NTRK2: variants seen among roughly 807,000 people sequenced by gnomAD.
NTRK2 encodes neurotrophic receptor tyrosine kinase 2.
In NTRK2, 13 loss-of-function variants were observed where a neutral mutation model predicts 94.5. The observed-to-expected ratio is 0.14, with a 90% CI of 0.09 to 0.22. NTRK2 has a LOEUF of 0.22. Among genes scored for constraint, NTRK2 ranks in the 10% least tolerant of loss-of-function variants. The pLI, the probability that NTRK2 is intolerant of heterozygous loss-of-function variation, is 1.00. For synonymous variants in NTRK2, 372 were observed against 407.4 expected, an observed-to-expected ratio of 0.91 and a Z score of 1.05; for missense variants, 639 against 1,071.2, an observed-to-expected ratio of 0.60 and a Z score of 5.63.
chr9:84,840,317 G>A (rs1003225256), intron 12 of NTRK2, among the ~76,000 whole-genome samples: 2 of 125,414 alleles, frequency 1.6e-5, no homozygotes, highest in South Asian at 2.5e-4. Context: ...TCTTGTCTTC[G>A]CTTTGTCTAA....
intron 9 of NTRK2, among the ~76,000 whole-genome samples, chr9:84,737,757 G>GGTA (rs1359415750): frequency 1.4e-5 from 2 of 147,876 alleles, no homozygotes; most frequent in East Asian, 3.9e-4. Context: ...TAATAAGCAT[G>GGTA]GTATCCAATA....
chr9:84,858,584 C>T (rs868083792), intron 12 of NTRK2, among the ~76,000 whole-genome samples: 4 of 151,986 alleles, frequency 2.6e-5, no homozygotes, highest in Non-Finnish European at 5.9e-5. Context: ...ATCCTCTGAG[C>T]CCTCTTTCTC....
chr9:84,707,374 A>G (rs2061170975), intron 4 of NTRK2, among the ~76,000 whole-genome samples: 1 of 152,172 alleles, frequency 6.6e-6, no homozygotes. Context: ...TCTTTCCTAT[A>G]AAGACGTATT....
chr9:84,741,854 T>C, intron 9 of NTRK2, 38 bp from the exon 10 acceptor site: 3 of 1,597,680 alleles, frequency 1.9e-6, no homozygotes, highest in Non-Finnish European at 2.6e-6. Context: ...GACTCCAAAA[T>C]GCATACTTAC....
At chr9:84,758,437 G>A (rs568857802) in intron 12 of NTRK2, among the ~76,000 whole-genome samples, 23 of 152,118 alleles carry the variant, frequency 1.5e-4, no homozygotes, top group African/African-American at 5.3e-4. Flanking sequence ...TGTTGCCCAG[G>A]CTGGAGTGCA....
chr9:84,857,989 T>C (rs2075147610), intron 12 of NTRK2, among the ~76,000 whole-genome samples: 1 of 152,202 alleles, frequency 6.6e-6, no homozygotes, highest in Non-Finnish European at 1.5e-5. Context: ...TCTGTTTTCC[T>C]TCTAAGTTCC....
At chr9:84,760,810 A>C (rs928602712) in intron 12 of NTRK2, among the ~76,000 whole-genome samples, 3 of 152,238 alleles carry the variant, frequency 2.0e-5, no homozygotes, top group Non-Finnish European at 4.4e-5. Context: ...AGATCTAAAA[A>C]CACGACCTCA....
At chr9:84,918,488 G>C (rs2077464324) in intron 14 of NTRK2, among the ~76,000 whole-genome samples, 1 of 151,852 alleles carries the variant, frequency 6.6e-6, no homozygotes, top group African/African-American at 2.4e-5. Flanking sequence ...ATTTGCACTG[G>C]GGAGGTCTGA....
At chr9:84,937,024 T>C (rs2078235504) in intron 15 of NTRK2, among the ~76,000 whole-genome samples, 1 of 152,182 alleles carries the variant, frequency 6.6e-6, no homozygotes, top group Non-Finnish European at 1.5e-5. Flanking sequence ...GAATAACCCA[T>C]GGACCTTTCA....
chr9:84,808,154 G>C (rs1211252262), intron 12 of NTRK2, among the ~76,000 whole-genome samples: 6 of 152,312 alleles, frequency 3.9e-5, no homozygotes, highest in South Asian at 2.1e-4. Context: ...TAAGGGCCAG[G>C]GCAGTTGCAT....
rs576068113 is a variant in NTRK2, at chr9:84,931,017, A to G, written c.1634-3145A>G. ...CATTATTAAACATATTTTTTCACAG[A>G]TATTTATAAATCACCAATTGTATGC... On this transcript the variant is annotated intron_variant, in intron 14 of 18. Transcript: ENST00000277120. 1.9e-4 allele frequency among the ~76,000 whole-genome samples: 29 copies of G among 152,308 alleles called. No homozygotes were observed. In the South Asian group the frequency reaches 5.6e-3, roughly 29 times the overall value.
Position 85,026,734 on chromosome 9 carries a change from C to G in NTRK2, c.*5297C>G. On this transcript the variant is annotated 3_prime_UTR_variant, in exon 19 of 19. Transcript: ENST00000277120. ...TATACACACACATTTCCATATCTCTCTACAGATATATTTCCCCTTCAATCG... is the reference window on the plus strand; with the variant it reads ...TATACACACACATTTCCATATCTCTGTACAGATATATTTCCCCTTCAATCG... The G allele has an allele frequency of 4.3e-6, 1 of 233,042 alleles. No individual in the cohort carries two copies. Among genetic ancestry groups the G allele is most frequent in the Non-Finnish European group, 8.5e-6 (1 of 117,952 alleles). The allele number at this position is 233,042 out of a possible 1,614,324, so 14.4% of individuals were successfully genotyped here.
chr9:85,023,648 T>C lies in NTRK2; in HGVS notation c.*2211T>C, dbSNP rs1243482465. 4 of 228,654 alleles carry C rather than the reference T, an allele frequency of 1.7e-5. No homozygotes were observed. The highest frequency in any genetic ancestry group is 2.6e-5 in the Non-Finnish European group (3 of 115,480). 14.2% of individuals were successfully genotyped at this position (228,654 alleles called of 1,614,324 possible). ...TAATGAAAGCCATATCTCCATGATATATATGTGCACATATATATACATACA... is the reference window on the plus strand; with the variant it reads ...TAATGAAAGCCATATCTCCATGATACATATGTGCACATATATATACATACA... On this transcript the variant is annotated 3_prime_UTR_variant, in exon 19 of 19. Coordinates refer to ENST00000277120, the MANE Select transcript of NTRK2 (RefSeq NM_006180.6).
chr9:84,982,228 C>A (rs1013661748), intron 17 of NTRK2, among the ~76,000 whole-genome samples: 3 of 152,172 alleles, frequency 2.0e-5, no homozygotes, highest in Non-Finnish European at 2.9e-5. Flanking sequence ...CCCACCTATG[C>A]CACACCCACA....
intron 14 of NTRK2, among the ~76,000 whole-genome samples, chr9:84,888,439 T>C (rs2076483243): frequency 6.7e-6 from 1 of 149,394 alleles, no homozygotes; most frequent in Admixed American, 6.7e-5. Context: ...TGAAACCCCG[T>C]TTCTACTAAA....
At chr9:84,835,837 G>C (rs1173891285) in intron 12 of NTRK2, among the ~76,000 whole-genome samples, 1 of 152,212 alleles carries the variant, frequency 6.6e-6, no homozygotes, top group Non-Finnish European at 1.5e-5. Context: ...CATAGAGCTT[G>C]CTTGAGGCAT....
chr9:84,797,990 G>A (rs544850081), intron 12 of NTRK2, among the ~76,000 whole-genome samples: 184 of 148,016 alleles, frequency 1.2e-3, no homozygotes, highest in African/African-American at 4.3e-3. Flanking sequence ...CTGGGTATGA[G>A]CCATTGGGAC....
rs546851312 is a variant in NTRK2 at position 85,021,463 on chromosome 9, C to T, written c.*26C>T. ...GGCCCTTTTCCCCAGACCGATCCTT[C>T]CCAACGTACTCCTCAGACGGGCTGA... On this transcript the variant is annotated 3_prime_UTR_variant, in exon 19 of 19. Coordinates refer to ENST00000277120, the MANE Select transcript of NTRK2 (RefSeq NM_006180.6). The T allele has an allele frequency of 2.5e-6, 4 of 1,610,854 alleles. No homozygotes were observed. In the African/African-American group the frequency reaches 4.0e-5, roughly 16 times the overall value.
At position 84,691,145 on chromosome 9, in the gene NTRK2, A is replaced by T. The variant is rs572885590; in HGVS notation, c.213-11014A>T. 3.3e-5 allele frequency among the ~76,000 whole-genome samples: 5 copies of T among 152,360 alleles called. No individual in the cohort carries two copies. The South Asian group carries it at 1.0e-3, about 32-fold the overall frequency. On this transcript the variant is annotated intron_variant, in intron 2 of 18. Transcript: ENST00000277120. ...GAGAAACTCATTATTAGGAAGGAGA[A>T]TGCCTACTAATTCCACAGGAACACA...
Sources: gnomAD v4.1 joint callset for allele counts (sites outside exome capture counted in the v4.1 genomes callset) on GRCh38, gnomAD v4.1.1 for gene constraint, MANE v1.5 for transcripts, NCBI Gene and HGNC (gene_info 2026-07-23, HGNC 2026-07-21) for gene names.